COLEC12: variants seen among roughly 807,000 people sequenced by gnomAD.
COLEC12 encodes the protein collectin-12.
Under a neutral mutation model 71.1 loss-of-function variants are expected in COLEC12, and 33 were observed. The observed-to-expected ratio is 0.46, with a 90% confidence interval of 0.35 to 0.62. The LOEUF (loss-of-function observed/expected upper bound fraction) is 0.62, where lower values mean the gene tolerates loss of function less well. Ranked by LOEUF, COLEC12 falls within the 20% of genes least tolerant of loss-of-function variation. The pLI is 0.00. For missense variants in COLEC12, 765 were observed against 916.1 expected, an observed-to-expected ratio of 0.84 and a Z score of 2.13; for synonymous variants, 350 against 353.0, an observed-to-expected ratio of 0.99 and a Z score of 0.10.
In COLEC12 at chr18:368,692, G is replaced by A. The variant is rs543226187; in HGVS notation, c.59-11170C>T. 4.2e-4 allele frequency among the ~76,000 whole-genome samples: 63 copies of A among 149,688 alleles called. No homozygotes were observed. The South Asian group carries it at 5.1e-3, about 12-fold the overall frequency. ...AGCCTGGCTAACATGGTGAAACCCCGTCTCCACTAAAAAATACAAAAAAAT... is the reference window on the plus strand; with the variant it reads ...AGCCTGGCTAACATGGTGAAACCCCATCTCCACTAAAAAATACAAAAAAAT... On this transcript the variant is annotated intron_variant, in intron 2 of 9. Transcript: ENST00000400256.
At chr18:367,334 C>CATGTTGGGAGG (rs1914877494) in intron 2 of COLEC12, among the ~76,000 whole-genome samples, 1 of 152,138 alleles carries the variant, frequency 6.6e-6, no homozygotes, top group Non-Finnish European at 1.5e-5. Context: ...GACATGCCTA[C>CATGTTGGGAGG]ATCCACTCTC....
intron 2 of COLEC12, among the ~76,000 whole-genome samples, chr18:429,767 A>T (rs1268452447): frequency 6.6e-6 from 1 of 152,168 alleles, no homozygotes; most frequent in African/African-American, 2.4e-5. Flanking sequence ...ACAGATGTGG[A>T]TATGAATGGC....
In COLEC12 at chr18:401,145, G is replaced by T. The variant is rs370844828; in HGVS notation, c.59-43623C>A. 2.7e-4 allele frequency among the ~76,000 whole-genome samples: 41 copies of T among 152,130 alleles called. No homozygotes were observed. The South Asian group carries it at 8.5e-3, about 32-fold the overall frequency. On this transcript the variant is annotated intron_variant, in intron 2 of 9. Coordinates refer to ENST00000400256, the MANE Select transcript of COLEC12 (RefSeq NM_130386.3). ...GGAAGGTAGACTTTGTCTTCCATGT[G>T]AATGTGTTCTGATCAAAACCCAGCT...
At position 327,827 on chromosome 18, in the gene COLEC12, T is replaced by C. The variant is rs904292503; in HGVS notation, c.2063+3841A>G. Among the ~76,000 whole-genome samples the C allele has an allele frequency of 3.3e-5, 5 of 152,350 alleles. No homozygotes were observed. The South Asian group carries it at 1.0e-3, about 32-fold the overall frequency. ...AAGGGATGGGACGGTGCCAGGCCCA[T>C]CGGCTTCTATTTTTTGGAAGAGTTT... is the stretch of plus-strand genomic sequence containing the variant. On this transcript the variant is annotated intron_variant, in intron 8 of 9. Coordinates refer to ENST00000400256, the MANE Select transcript of COLEC12 (RefSeq NM_130386.3). This position sits in a 1 kb window ranked among gnomAD's most constrained non-coding sequence, Gnocchi z 4.0.
chr18:497,537 T>C (rs968145311), intron 1 of COLEC12, among the ~76,000 whole-genome samples: 1 of 152,188 alleles, frequency 6.6e-6, no homozygotes, highest in Admixed American at 6.5e-5. Context: ...CCCAAGTAGC[T>C]GGGACTACAG....
At chr18:391,121 T>C (rs1022823350) in intron 2 of COLEC12, among the ~76,000 whole-genome samples, 6 of 152,202 alleles carry the variant, frequency 3.9e-5, no homozygotes, top group African/African-American at 1.4e-4. Context: ...GATTTGGCTG[T>C]CAGGGGGTCT....
At chr18:407,439 G>C (rs1476331458) in intron 2 of COLEC12, among the ~76,000 whole-genome samples, 2 of 152,168 alleles carry the variant, frequency 1.3e-5, no homozygotes, top group African/African-American at 2.4e-5. Flanking sequence ...GTTTCAGTCT[G>C]AAAGCCAAGG....
chr18:329,846 GGT>G lies in COLEC12; in HGVS notation c.2063+1820_2063+1821del. ...TGATCCCAGTGCTTTGCGAGGCCAA[GGT>G]GGGAGGATCACTTGAGGCTAGGAGT... On this transcript the variant is annotated intron_variant, in intron 8 of 9. Transcript: ENST00000400256. 2.0e-5 allele frequency among the ~76,000 whole-genome samples: 3 copies of G among 152,364 alleles called. No homozygotes were observed. In the South Asian group the frequency reaches 6.2e-4, roughly 32 times the overall value.
chr18:424,429 G>C (rs994097674), intron 2 of COLEC12: 3 of 152,142 alleles, frequency 2.0e-5, no homozygotes, highest in Admixed American at 2.0e-4. Context: ...GTTGATCTTG[G>C]CGTCCCCATG....
chr18:475,328 C>T (rs1306938180), intron 2 of COLEC12, among the ~76,000 whole-genome samples: 1 of 152,114 alleles, frequency 6.6e-6, no homozygotes, highest in Non-Finnish European at 1.5e-5. Context: ...CAGTCGTTCC[C>T]CACAGGAAAT....
intron 2 of COLEC12, among the ~76,000 whole-genome samples, chr18:379,974 G>A (rs1020683466): frequency 2.0e-5 from 3 of 151,996 alleles, no homozygotes; most frequent in Non-Finnish European, 4.4e-5. Flanking sequence ...CAAAGCTGAG[G>A]TAAGAGCTTT....
chr18:432,207 T>C (rs1031945946), intron 2 of COLEC12, among the ~76,000 whole-genome samples: 2 of 152,214 alleles, frequency 1.3e-5, no homozygotes, highest in Non-Finnish European at 2.9e-5. Context: ...CTAACAAACA[T>C]TTATTGGATT....
Position 398,893 on chromosome 18 carries a change from G to A in COLEC12, c.59-41371C>T, listed in dbSNP as rs185268012. On this transcript the variant is annotated intron_variant, in intron 2 of 9. Transcript: ENST00000400256. ...ATGCTGCTTCTTTTTGTGCTTCTTG[G>A]AGATGTTTATATATTGATTCTAAGT... 8.4e-3 allele frequency among the ~76,000 whole-genome samples: 1,280 copies of A among 152,314 alleles called. 10 individuals are homozygous for A. The highest frequency in any genetic ancestry group is 0.011 in the Non-Finnish European group (748 of 68,030).
intron 7 of COLEC12, among the ~76,000 whole-genome samples, chr18:332,222 T>C (rs1273851882): frequency 6.6e-6 from 1 of 152,248 alleles, no homozygotes; most frequent in Non-Finnish European, 1.5e-5. Flanking sequence ...GTAGCTGAGC[T>C]GGGCTTGGGC....
chr18:490,999 C>G, intron 1 of COLEC12, among the ~76,000 whole-genome samples: 1 of 152,220 alleles, frequency 6.6e-6, no homozygotes, highest in East Asian at 1.9e-4. Flanking sequence ...ACTCTTAGAA[C>G]AAAATGGTAT....
intron 2 of COLEC12, among the ~76,000 whole-genome samples, chr18:425,765 T>C (rs1410226124): frequency 1.3e-5 from 2 of 152,186 alleles, no homozygotes; most frequent in African/African-American, 4.8e-5. Flanking sequence ...AAATAACTGT[T>C]ACTGAGTTAA....
chr18:326,487 A>G (rs1164766508), intron 8 of COLEC12, among the ~76,000 whole-genome samples: 1 of 152,126 alleles, frequency 6.6e-6, no homozygotes, highest in Non-Finnish European at 1.5e-5. Flanking sequence ...AGCTGGGATT[A>G]CAGGCATCCG....
chr18:430,261 G>A (rs1381158554), intron 2 of COLEC12, among the ~76,000 whole-genome samples: 1 of 151,846 alleles, frequency 6.6e-6, no homozygotes, highest in African/African-American at 2.4e-5. Context: ...TTGAACCTGG[G>A]AGGCAGAGGT....
chr18:491,508 T>C (rs924007939), intron 1 of COLEC12, among the ~76,000 whole-genome samples: 4 of 152,148 alleles, frequency 2.6e-5, no homozygotes, highest in African/African-American at 9.7e-5. Context: ...ATGGAAAACA[T>C]CCAACACATA....
Sources: allele counts gnomAD v4.1 joint callset (sites outside exome capture counted in the v4.1 genomes callset), GRCh38; gene constraint gnomAD v4.1.1; non-coding constraint Gnocchi (gnomAD v3.1); transcripts MANE v1.5; gene names NCBI Gene and HGNC (gene_info 2026-07-23, HGNC 2026-07-21).